Variants in STXBP5L observed in about 807,000 individuals in gnomAD.
STXBP5L encodes syntaxin binding protein 5L.
STXBP5L carries 65 observed loss-of-function variants against 144.5 expected under a neutral mutation model. That is an observed-to-expected ratio of 0.45 (90% CI 0.37 to 0.55). The LOEUF (loss-of-function observed/expected upper bound fraction) is 0.55, where lower values mean the gene tolerates loss of function less well. Ranked by LOEUF, STXBP5L falls within the 20% of genes least tolerant of loss-of-function variation. STXBP5L has a pLI of 0.00. For missense variants in STXBP5L, 1,298 were observed against 1,405.5 expected (o/e 0.92, Z 1.22); for synonymous variants, 505 against 469.6 (o/e 1.08, Z -0.97).
chr3:121,217,429 G>A (rs973504959), intron 10 of STXBP5L, among the ~76,000 whole-genome samples: 13 of 152,112 alleles, frequency 8.5e-5, no homozygotes, highest in Non-Finnish European at 1.5e-4. Flanking sequence ...CCCTTGGCTA[G>A]GGGAGGAAGT....
At chr3:120,935,082 T>G (rs1460151164) in intron 2 of STXBP5L, among the ~76,000 whole-genome samples, 1 of 151,860 alleles carries the variant, frequency 6.6e-6, no homozygotes, top group Non-Finnish European at 1.5e-5. Context: ...TTTTTTTTGG[T>G]CTTATACTCT....
chr3:121,042,386 T>C (rs996585664), intron 4 of STXBP5L, among the ~76,000 whole-genome samples: 2 of 152,188 alleles, frequency 1.3e-5, no homozygotes, highest in Non-Finnish European at 2.9e-5. Flanking sequence ...ATTCCATTAG[T>C]AGAAGGCTAC....
At chr3:120,969,012 G>A (rs545138401) in intron 3 of STXBP5L, among the ~76,000 whole-genome samples, 2 of 152,178 alleles carry the variant, frequency 1.3e-5, no homozygotes, top group South Asian at 4.1e-4. Flanking sequence ...GTGTGTGCAT[G>A]CATCTTTTTC....
chr3:121,095,990 G>A (rs1397563090), intron 5 of STXBP5L, among the ~76,000 whole-genome samples: 1 of 152,046 alleles, frequency 6.6e-6, no homozygotes, highest in Non-Finnish European at 1.5e-5. Flanking sequence ...CTTTTTGTTA[G>A]TGTCTGTCAC....
At chr3:121,171,521 A>C (rs972619134) in intron 9 of STXBP5L, among the ~76,000 whole-genome samples, 4 of 152,226 alleles carry the variant, frequency 2.6e-5, no homozygotes, top group African/African-American at 9.7e-5. Flanking sequence ...TCAGAATACA[A>C]AATCAATGTG....
intron 19 of STXBP5L, among the ~76,000 whole-genome samples, chr3:121,304,781 T>C (rs568948157): frequency 1.3e-5 from 2 of 151,832 alleles, no homozygotes; most frequent in South Asian, 2.1e-4. Context: ...TACTTCATGA[T>C]CTAAAGCTCT....
intron 8 of STXBP5L, among the ~76,000 whole-genome samples, chr3:121,153,261 A>G (rs922745430): frequency 6.6e-6 from 1 of 152,026 alleles, no homozygotes; most frequent in East Asian, 1.9e-4. Context: ...TTATTTTTCC[A>G]TTCAGAAGAG....
intron 18 of STXBP5L, among the ~76,000 whole-genome samples, chr3:121,267,160 A>G (rs190734722): frequency 3.3e-5 from 5 of 152,352 alleles, no homozygotes; most frequent in Middle Eastern, 3.4e-3. Flanking sequence ...ACTTCGAACT[A>G]TACTACAAGG....
chr3:121,313,744 C>CT (rs2043659919), intron 19 of STXBP5L, among the ~76,000 whole-genome samples: 1 of 131,120 alleles, frequency 7.6e-6, no homozygotes, highest in Admixed American at 7.4e-5. Flanking sequence ...CTGACCCCCC[C>CT]CACCTCCCTC....
At chr3:121,023,155 CAA>C (rs34550471) in intron 3 of STXBP5L, among the ~76,000 whole-genome samples, 26 of 143,708 alleles carry the variant, frequency 1.8e-4, no homozygotes, top group African/African-American at 5.9e-4. Flanking sequence ...ACAATAGTTG[CAA>C]AAAAAAAAAT....
At chr3:121,074,353 A>C (rs2041933429) in intron 5 of STXBP5L, among the ~76,000 whole-genome samples, 1 of 152,204 alleles carries the variant, frequency 6.6e-6, no homozygotes, top group South Asian at 2.1e-4. Flanking sequence ...ATGGCCCGCA[A>C]ATCCTTTACT....
intron 19 of STXBP5L, among the ~76,000 whole-genome samples, chr3:121,311,428 G>A (rs1243997787): frequency 6.6e-6 from 1 of 152,194 alleles, no homozygotes; most frequent in Non-Finnish European, 1.5e-5. Context: ...CACAATGGAG[G>A]AATGTTAAAT....
At chr3:121,281,808 T>C (rs1238943230) in intron 19 of STXBP5L, among the ~76,000 whole-genome samples, 1 of 151,966 alleles carries the variant, frequency 6.6e-6, no homozygotes, top group Non-Finnish European at 1.5e-5. Context: ...GAACTCACTT[T>C]ATATTATAAC....
At chr3:121,362,294 G>A (rs1252480023) in intron 20 of STXBP5L, among the ~76,000 whole-genome samples, 1 of 152,172 alleles carries the variant, frequency 6.6e-6, no homozygotes, top group Non-Finnish European at 1.5e-5. Flanking sequence ...CCTGGCTAAT[G>A]CCTATGTTCA....
At chr3:120,963,490 GAGTTTTGTCAA>G (rs1939133767) in intron 3 of STXBP5L, among the ~76,000 whole-genome samples, 1 of 152,164 alleles carries the variant, frequency 6.6e-6, no homozygotes, top group Non-Finnish European at 1.5e-5. Flanking sequence ...AAAGGGTGTT[GAGTTTTGTCAA>G]AGGTCTTTTT....
At chr3:121,096,867 A>G (rs1259905228) in intron 5 of STXBP5L, among the ~76,000 whole-genome samples, 1 of 152,058 alleles carries the variant, frequency 6.6e-6, no homozygotes, top group East Asian at 1.9e-4. Context: ...GTATAGCTCA[A>G]ACACTCTGCT....
At chr3:121,004,090 G>A (rs1372088232) in intron 3 of STXBP5L, among the ~76,000 whole-genome samples, 3 of 152,164 alleles carry the variant, frequency 2.0e-5, no homozygotes, top group African/African-American at 7.2e-5. Context: ...TGTGAAGAAA[G>A]TCATTGGTAG....
At chr3:121,170,332 A>T (rs2046660085) in intron 9 of STXBP5L, among the ~76,000 whole-genome samples, 1 of 152,160 alleles carries the variant, frequency 6.6e-6, no homozygotes. Context: ...AGAAGACAAG[A>T]AATAACTAAG....
chr3:121,050,357 C>A (rs1015052092), intron 5 of STXBP5L, among the ~76,000 whole-genome samples: 1 of 151,976 alleles, frequency 6.6e-6, no homozygotes, highest in Non-Finnish European at 1.5e-5. Context: ...AGTAATGTAG[C>A]AGAAATTTCA....
Sources: allele counts gnomAD v4.1 joint callset (sites outside exome capture counted in the v4.1 genomes callset), GRCh38; gene constraint gnomAD v4.1.1; transcripts MANE v1.5; gene names NCBI Gene and HGNC (gene_info 2026-07-23, HGNC 2026-07-21).